The following CASK variants were observed in gnomAD, a reference collection of about 807,000 sequenced individuals.
CASK encodes the protein calcium/calmodulin dependent serine protein kinase, also known as peripheral plasma membrane protein CASK.
CASK carries 4 observed loss-of-function variants against 82.9 expected under a neutral mutation model. That is an observed-to-expected ratio of 0.05 (90% CI 0.02 to 0.11). CASK has a LOEUF of 0.11. Among genes scored for constraint, CASK ranks in the 10% least tolerant of loss-of-function variants. The pLI, the probability that CASK is intolerant of heterozygous loss-of-function variation, is 1.00. For missense variants in CASK, 358 were observed against 720.9 expected, an observed-to-expected ratio of 0.50 and a Z score of 5.76; for synonymous variants, 259 against 253.5, an observed-to-expected ratio of 1.02 and a Z score of -0.20.
intron 2 of CASK, among the ~76,000 whole-genome samples, chrX:41,841,552 G>A (rs2071040602): frequency 1.1e-5 from 1 of 94,326 alleles, no homozygotes; most frequent in Non-Finnish European, 2.1e-5. Context: ...GTCTCGCTCT[G>A]TCACCCAGGC....
intron 8 of CASK, among the ~76,000 whole-genome samples, chrX:41,639,777 C>T (rs2066618717): frequency 9.0e-6 from 1 of 111,696 alleles, no homozygotes; most frequent in Non-Finnish European, 1.9e-5. Context: ...CACTGATCTA[C>T]TTTCTGTCAC....
rs6610627 is a variant in CASK at position 41,908,125 on chromosome X, C to T, written c.59+14805G>A. Among the ~76,000 whole-genome samples the T allele has an allele frequency of 5.5e-3, 618 of 111,711 alleles. 1 individual carries two copies. The highest frequency in any genetic ancestry group is 0.018 in the African/African-American group (566 of 30,707). ...TAGAACACACTAAACAGTCCCAGCA[C>T]TTTGGGAGGCTGAAGGAGGCAGATC... On this transcript the variant is annotated intron_variant, in intron 1 of 26. Transcript: ENST00000378163.
intron 2 of CASK, among the ~76,000 whole-genome samples, chrX:41,835,290 G>A: frequency 8.9e-6 from 1 of 111,977 alleles, no homozygotes. Context: ...CTGACCTCAG[G>A]TGATCCACTC....
intron 14 of CASK, among the ~76,000 whole-genome samples, chrX:41,581,194 C>T (rs774573315): frequency 4.1e-4 from 45 of 110,656 alleles, no homozygotes; most frequent in African/African-American, 1.3e-3. Context: ...GTCTGGGCAA[C>T]AAAGTGAGAC....
intron 15 of CASK, among the ~76,000 whole-genome samples, chrX:41,576,830 G>A (rs1417014401): frequency 9.0e-6 from 1 of 111,275 alleles, no homozygotes; most frequent in East Asian, 2.8e-4. Context: ...AAGCCAAAGA[G>A]TTGCCTGGAT....
At chrX:41,922,898 C>T in intron 1 of CASK, 32 bp downstream of exon 1, 4 of 1,196,924 alleles carry the variant, frequency 3.3e-6, no homozygotes, top group Non-Finnish European at 4.5e-6. Context: ...ATGCATTTTT[C>T]CACACTCCCG....
intron 1 of CASK, among the ~76,000 whole-genome samples, chrX:41,885,041 A>C (rs974695316): frequency 8.0e-5 from 9 of 111,812 alleles, no homozygotes; most frequent in African/African-American, 2.9e-4. Context: ...TTTAATAGAA[A>C]CTCACGTTAG....
intron 12 of CASK, among the ~76,000 whole-genome samples, chrX:41,606,500 G>A (rs1222031989): frequency 1.8e-5 from 2 of 111,555 alleles, no homozygotes; most frequent in South Asian, 3.7e-4. Flanking sequence ...TAATCCGCCC[G>A]CCTTGGCCTC....
At position 41,853,929 on chromosome X, in the gene CASK, C is replaced by T. The variant is rs758132278; in HGVS notation, c.60-702G>A. Among the ~76,000 whole-genome samples, 1 of 111,534 alleles carries T rather than the reference C, an allele frequency of 9.0e-6. No individual in the cohort carries two copies. Among genetic ancestry groups the T allele is most frequent in the Non-Finnish European group, 1.9e-5 (1 of 53,094 alleles). ...TGTAAATACAATAAGAAAAAAAACA[C>T]ACTCCAATAAAATCTGGGCAAAAGA... On this transcript the variant is annotated intron_variant, in intron 1 of 26. Coordinates refer to ENST00000378163, the MANE Select transcript of CASK (RefSeq NM_001367721.1).
intron 1 of CASK, among the ~76,000 whole-genome samples, chrX:41,904,234 TG>T (rs1174677354): frequency 1.8e-5 from 2 of 112,092 alleles, no homozygotes; most frequent in African/African-American, 6.5e-5. Context: ...TTTCTTTTTT[TG>T]GGGAAAGGAA....
At chrX:41,874,130 C>T (rs1361691253) in intron 1 of CASK, among the ~76,000 whole-genome samples, 1 of 110,239 alleles carries the variant, frequency 9.1e-6, no homozygotes, top group African/African-American at 3.3e-5. Flanking sequence ...ACCACAATTG[C>T]TTTTGCACCA....
intron 5 of CASK, chrX:41,683,068 T>C (rs757673919): frequency 8.9e-6 from 1 of 111,966 alleles, no homozygotes; most frequent in Non-Finnish European, 1.9e-5. Flanking sequence ...TCCTCTTCAA[T>C]ACTTTTCTGA....
In CASK at chrX:41,609,264, C is replaced by T. The variant is rs187289794; in HGVS notation, c.1155+640G>A. 3.9e-3 allele frequency among the ~76,000 whole-genome samples: 436 copies of T among 111,541 alleles called. 4 individuals are homozygous for T. The highest frequency in any genetic ancestry group is 7.2e-3 in the Non-Finnish European group (380 of 53,042). On this transcript the variant is annotated intron_variant, in intron 12 of 26. Transcript: ENST00000378163. ...CCGAGTAGCCAGGATTACAGGCATG[C>T]ACCACCACAACTGGCTAATTTTGTA...
At chrX:41,670,758 GAA>G in intron 6 of CASK, among the ~76,000 whole-genome samples, 1 of 97,746 alleles carries the variant, frequency 1.0e-5, no homozygotes, top group East Asian at 3.2e-4. Flanking sequence ...TTGTCTGAAA[GAA>G]AAAAAAAAAA....
chrX:41,774,439 C>T (rs745905764), intron 3 of CASK, among the ~76,000 whole-genome samples: 7 of 111,565 alleles, frequency 6.3e-5, no homozygotes, highest in East Asian at 2.8e-4. Context: ...AATCCAATAT[C>T]GTGAAAATGG....
At chrX:41,732,752 A>G (rs775182590) in intron 5 of CASK, among the ~76,000 whole-genome samples, 2 of 106,108 alleles carry the variant, frequency 1.9e-5, no homozygotes, top group East Asian at 6.0e-4. Context: ...TTTTTTTGAG[A>G]TGGAGTCTCA....
chrX:41,707,890 T>C (rs999741417), intron 5 of CASK, among the ~76,000 whole-genome samples: 1 of 111,294 alleles, frequency 9.0e-6, no homozygotes, highest in Admixed American at 9.6e-5. Context: ...GAGGCTGAGG[T>C]TGGTGGATCA....
chrX:41,820,769 A>C (rs1462818869), intron 2 of CASK, among the ~76,000 whole-genome samples: 1 of 111,333 alleles, frequency 9.0e-6, no homozygotes, highest in Admixed American at 9.6e-5. Context: ...GACAGTGTGA[A>C]TCTGATATAA....
intron 22 of CASK, among the ~76,000 whole-genome samples, chrX:41,538,117 A>C (rs34687305): frequency 0.12 from 13,675 of 110,704 alleles, 818 homozygotes; most frequent in Middle Eastern, 0.18. Context: ...AGGTGCTGGG[A>C]TTACAGGCAT....
Sources: gnomAD v4.1 joint callset for allele counts (sites outside exome capture counted in the v4.1 genomes callset) on GRCh38, gnomAD v4.1.1 for gene constraint, MANE v1.5 for transcripts, NCBI Gene and HGNC (gene_info 2026-07-23, HGNC 2026-07-21) for gene names.